The following HELLS variants were observed in gnomAD, a reference collection of about 807,000 sequenced individuals.
The protein encoded by HELLS is helicase, lymphoid specific, also known as lymphoid-specific helicase.
Under a neutral mutation model 120.0 loss-of-function variants are expected in HELLS, and 32 were observed. The ratio of observed to expected loss-of-function variants is 0.27; its 90% CI spans 0.20 to 0.36. The LOEUF is 0.36. HELLS is among the 10% of genes least tolerant of loss of function. HELLS has a pLI of 1.00. For missense variants in HELLS, 650 were observed against 993.4 expected (o/e 0.65, Z 4.65); for synonymous variants, 341 against 323.4 (o/e 1.05, Z -0.58).
At chr10:94,586,979 GCTA>G (rs1428930708) in intron 12 of HELLS, among the ~76,000 whole-genome samples, 1 of 152,086 alleles carries the variant, frequency 6.6e-6, no homozygotes, top group African/African-American at 2.4e-5. Flanking sequence ...ACAGGTGTGA[GCTA>G]CTGCGTCCGA....
intron 12 of HELLS, among the ~76,000 whole-genome samples, chr10:94,585,374 T>TG (rs1845077078): frequency 8.3e-6 from 1 of 120,916 alleles, no homozygotes; most frequent in African/African-American, 3.1e-5. Context: ...TTTTTTTTTT[T>TG]GTTTGTTTTT....
Position 94,554,150 on chromosome 10 carries a change from T to G in HELLS, c.178T>G (p.Ser60Ala). 2 of 1,580,640 alleles carry G rather than the reference T, an allele frequency of 1.3e-6. No homozygotes were observed. Among genetic ancestry groups the G allele is most frequent in the East Asian group, 4.7e-5 (2 of 42,902 alleles). The change falls in exon 3 of 22, where the codon TCG becomes GCG. Residue 60 changes from serine to alanine, a missense_variant. By Grantham distance (99) the Ser-to-Ala change is moderately conservative (BLOSUM62 1). Transcript: ENST00000348459. ...GGCTCGCATGTCTTGGGATAGAGAGTCGACAGAAATTCGGTACCGTAGACT... is the reference window on the plus strand; with the variant it reads ...GGCTCGCATGTCTTGGGATAGAGAGGCGACAGAAATTCGGTACCGTAGACT... ...EKARMSWDRE[S>A]TEIRYRRLQH...
downstream of HELLS, among the ~76,000 whole-genome samples, chr10:94,606,102 C>A (rs539872213): frequency 4.1e-4 from 61 of 149,536 alleles, no homozygotes; most frequent in African/African-American, 1.4e-3. Flanking sequence ...AAAGAGACTC[C>A]TGCTATGTTG....
intron 13 of HELLS, among the ~76,000 whole-genome samples, chr10:94,589,161 T>TA (rs3834413): frequency 8.0e-5 from 12 of 150,014 alleles, no homozygotes; most frequent in East Asian, 3.9e-4. Context: ...AAAAAATAAA[T>TA]AAAAAAAAAA....
intron 16 of HELLS, 38 bp downstream of exon 16, chr10:94,592,350 T>C (rs751656734): frequency 6.3e-7 from 1 of 1,579,548 alleles, no homozygotes; most frequent in Non-Finnish European, 8.6e-7. Flanking sequence ...TGTTCAATTA[T>C]TTTTTTATCA....
intron 9 of HELLS, among the ~76,000 whole-genome samples, chr10:94,609,238 G>A (rs958170387): frequency 4.6e-5 from 7 of 151,962 alleles, no homozygotes; most frequent in African/African-American, 1.7e-4. Flanking sequence ...GGTCAGGCTA[G>A]TCTCGAACTC....
intron 13 of HELLS, among the ~76,000 whole-genome samples, chr10:94,590,022 G>C (rs1452739082): frequency 1.3e-5 from 2 of 152,074 alleles, no homozygotes; most frequent in Non-Finnish European, 2.9e-5. Context: ...ATAATTAAAG[G>C]AAGGGTCTAG....
chr10:94,575,025 G>A (rs534598653), intron 9 of HELLS, among the ~76,000 whole-genome samples: 3 of 149,144 alleles, frequency 2.0e-5, no homozygotes, highest in East Asian at 3.9e-4. Context: ...AATTCTGCTT[G>A]TTCTTCACTT....
At chr10:94,602,203 G>A (rs536554543), downstream of HELLS, 3 of 152,306 alleles carry the variant, frequency 2.0e-5, no homozygotes, top group African/African-American at 7.2e-5. Context: ...TCATTCACTA[G>A]TACTATAGGA....
At chr10:94,613,180 T>A (rs1290768552) in exon 10 of HELLS, 1 of 152,238 alleles carries the variant, frequency 6.6e-6, no homozygotes, top group Non-Finnish European at 1.5e-5. Context: ...TTTACACCCC[T>A]ACCAGCAGGA....
intron 2 of HELLS, among the ~76,000 whole-genome samples, chr10:94,549,371 G>A (rs1842879330): frequency 6.6e-6 from 1 of 152,182 alleles, no homozygotes. Context: ...GAAATCCTAA[G>A]GTTTGTGAGG....
intron 10 of HELLS, chr10:94,577,534 C>T (rs1367395405): frequency 6.5e-6 from 1 of 153,594 alleles, no homozygotes; most frequent in Non-Finnish European, 1.4e-5. Flanking sequence ...CCAGTATTGT[C>T]AGGTTTTATG....
intron 10 of HELLS, chr10:94,577,379 T>G: frequency 4.6e-6 from 1 of 219,662 alleles, no homozygotes; most frequent in Non-Finnish European, 9.2e-6. Context: ...TTTTTTTCCT[T>G]TCTCTGGCCA....
chr10:94,546,857 C>G (rs759699575), intron 2 of HELLS, among the ~76,000 whole-genome samples: 1 of 152,104 alleles, frequency 6.6e-6, no homozygotes, highest in Non-Finnish European at 1.5e-5. Flanking sequence ...TCATGGCAAA[C>G]AGGAATCGCT....
intron 12 of HELLS, among the ~76,000 whole-genome samples, chr10:94,583,470 A>G (rs1403320392): frequency 1.3e-5 from 2 of 152,162 alleles, no homozygotes; most frequent in Non-Finnish European, 2.9e-5. Flanking sequence ...TTATCTTTCA[A>G]GGGTAATCTA....
At chr10:94,594,260 C>T (rs554221772) in intron 18 of HELLS, among the ~76,000 whole-genome samples, 2 of 152,160 alleles carry the variant, frequency 1.3e-5, no homozygotes, top group South Asian at 4.2e-4. Flanking sequence ...GGCACCATCA[C>T]GGCTCAGTAG....
chr10:94,564,650 C>T (rs750986574), intron 6 of HELLS, among the ~76,000 whole-genome samples: 6 of 151,954 alleles, frequency 3.9e-5, no homozygotes, highest in African/African-American at 1.5e-4. Flanking sequence ...CTTGCTCTGT[C>T]CCTCAGGCTG....
chr10:94,597,766 C>G lies in HELLS; in HGVS notation c.2422+655C>G, dbSNP rs541049731. Among the ~76,000 whole-genome samples, 121 of 152,270 alleles carry G rather than the reference C, an allele frequency of 7.9e-4. 3 individuals are homozygous for G. The Middle Eastern group carries it at 0.014, about 17-fold the overall frequency. On this transcript the variant is annotated intron_variant, in intron 21 of 21. Transcript: ENST00000348459. ...CAGGCTGGTCTTGAACTCCTGATTT[C>G]AGGTGTTGTGCCCACCCCAGCCTCC... is the stretch of plus-strand genomic sequence containing the variant.
downstream of HELLS, among the ~76,000 whole-genome samples, chr10:94,605,561 G>A (rs1589773035): frequency 6.6e-6 from 1 of 151,850 alleles, no homozygotes; most frequent in South Asian, 2.1e-4. Flanking sequence ...TTTAGAGTAG[G>A]AATTATTATC....
Sources: gnomAD v4.1 joint callset for allele counts (sites outside exome capture counted in the v4.1 genomes callset) on GRCh38, gnomAD v4.1.1 for gene constraint, MANE v1.5 for transcripts, NCBI Gene and HGNC (gene_info 2026-07-23, HGNC 2026-07-21) for gene names.